The following NSDHL variants were observed in gnomAD, a reference collection of about 807,000 sequenced individuals.
NSDHL encodes NAD(P) dependent 3-beta-hydroxysteroid dehydrogenase NSDHL.
In NSDHL, 1 loss-of-function variant was observed where a neutral mutation model predicts 23.0. The ratio of observed to expected loss-of-function variants is 0.04; its 90% CI spans 0.02 to 0.21. The LOEUF (loss-of-function observed/expected upper bound fraction) is 0.21. Ranked by LOEUF, NSDHL falls within the 10% of genes least tolerant of loss-of-function variation. The pLI is 1.00. For missense variants in NSDHL, 237 were observed against 300.9 expected, an observed-to-expected ratio of 0.79 and a Z score of 1.57; for synonymous variants, 128 against 121.1, an observed-to-expected ratio of 1.06 and a Z score of -0.37.
intron 1 of NSDHL, among the ~76,000 whole-genome samples, chrX:152,844,062 C>T (rs1933234619): frequency 9.0e-6 from 1 of 111,661 alleles, no homozygotes; most frequent in South Asian, 3.7e-4. Flanking sequence ...GGAGAGAGTC[C>T]AAAGGCAGCC....
intron 1 of NSDHL, chrX:152,831,849 T>C (rs1602917179): frequency 9.0e-6 from 1 of 111,325 alleles, no homozygotes; most frequent in Non-Finnish European, 1.9e-5. Context: ...ATAGGGGCAG[T>C]AATCTAGGGA....
intron 3 of NSDHL, among the ~76,000 whole-genome samples, chrX:152,851,188 T>G (rs1380164248): frequency 1.8e-5 from 2 of 112,349 alleles, no homozygotes; most frequent in African/African-American, 6.5e-5. Context: ...ACAAGCCCCA[T>G]TGCTTCACAT....
At chrX:152,834,919 A>G (rs1397698268) in intron 1 of NSDHL, among the ~76,000 whole-genome samples, 1 of 112,656 alleles carries the variant, frequency 8.9e-6, no homozygotes, top group African/African-American at 3.2e-5. Flanking sequence ...CAGTGGCCAC[A>G]TTCTAGCTTC....
intron 1 of NSDHL, among the ~76,000 whole-genome samples, chrX:152,840,992 C>T (rs1933182020): frequency 8.9e-6 from 1 of 112,906 alleles, no homozygotes; most frequent in African/African-American, 3.2e-5. Context: ...ACTTTGTTTA[C>T]CTATTCAAGC....
At chrX:152,849,016 A>C (rs1211476911) in intron 2 of NSDHL, among the ~76,000 whole-genome samples, 2 of 111,821 alleles carry the variant, frequency 1.8e-5, no homozygotes, top group Admixed American at 1.9e-4. Context: ...GGTGAGGCTG[A>C]TTTTGTTAGT....
Position 152,850,267 on chromosome X carries a change from C to T in NSDHL, c.111C>T (p.Ala37=), listed in dbSNP as rs1933334876. 5 of 1,209,360 alleles carry T rather than the reference C, an allele frequency of 4.1e-6. No individual in the cohort carries two copies. Among genetic ancestry groups the T allele is most frequent in the East Asian group, 3.0e-5 (1 of 33,773 alleles). Residue 37 remains alanine (A), a splice_region_variant and synonymous_variant, in exon 3 of 8, where the codon GCC becomes GCT. Transcript: ENST00000370274. ...CCACCGTTCCTCTCTTTCCACAGGC[C>T]AAGAGATGCACAGTGATCGGTGGCT... ...ADIEKVNQNQ[A]KRCTVIGGSG...
At chrX:152,859,003 G>C (rs1933486388) in intron 4 of NSDHL, 87 bp downstream of exon 4, 1 of 782,087 alleles carries the variant, frequency 1.3e-6, no homozygotes, top group African/African-American at 2.1e-5. Context: ...CAGTCTCCCT[G>C]GGCCTAGGCG....
chrX:152,839,197 C>T (rs1322200497), intron 1 of NSDHL, among the ~76,000 whole-genome samples: 2 of 111,845 alleles, frequency 1.8e-5, no homozygotes, highest in East Asian at 5.6e-4. Flanking sequence ...TACGTCACTG[C>T]ACGTGAGATG....
intron 2 of NSDHL, 68 bp from the exon 3 acceptor site, chrX:152,850,196 TA>T: frequency 9.3e-7 from 1 of 1,072,589 alleles, no homozygotes; most frequent in Non-Finnish European, 1.3e-6. Flanking sequence ...TCATGATATG[TA>T]AGTCTGGACT....
At chrX:152,858,285 C>G (rs1220522049) in intron 3 of NSDHL, among the ~76,000 whole-genome samples, 1 of 112,187 alleles carries the variant, frequency 8.9e-6, no homozygotes, top group East Asian at 2.8e-4. Flanking sequence ...GCTCTTGTTC[C>G]TTTTAGCAGT....
Position 152,846,318 on chromosome X carries a change from C to T in NSDHL, c.-7C>T. Reference sequence around the variant, plus strand: ...TGATTACAAACGGGACCATATTTTGCTTCGAAATGGAACCAGCAGTTAGCG... The same window carrying T: ...TGATTACAAACGGGACCATATTTTGTTTCGAAATGGAACCAGCAGTTAGCG... On this transcript the variant is annotated 5_prime_UTR_variant, in exon 2 of 8. Coordinates refer to ENST00000370274, the MANE Select transcript of NSDHL (RefSeq NM_015922.3). The T allele has an allele frequency of 3.4e-6, 4 of 1,193,983 alleles. No individual in the cohort carries two copies. The highest frequency in any genetic ancestry group is 4.6e-6 in the Non-Finnish European group (4 of 879,009).
At chrX:152,864,948 G>A (rs782523138) in intron 5 of NSDHL, among the ~76,000 whole-genome samples, 1 of 112,006 alleles carries the variant, frequency 8.9e-6, no homozygotes, top group Non-Finnish European at 1.9e-5. Flanking sequence ...AGCAGGAACC[G>A]TACTTACCAA....
At chrX:152,867,765 C>G (rs782540499) in intron 7 of NSDHL, 92 bp downstream of exon 7, 3 of 658,027 alleles carry the variant, frequency 4.6e-6, no homozygotes, top group Non-Finnish European at 4.9e-6. Flanking sequence ...CTCCTGTGAT[C>G]CTGTATCATG....
At chrX:152,850,792 A>G (rs1473398369) in intron 3 of NSDHL, among the ~76,000 whole-genome samples, 1 of 112,529 alleles carries the variant, frequency 8.9e-6, no homozygotes, top group Non-Finnish European at 1.9e-5. Flanking sequence ...GATATAATTC[A>G]TGTACCACAA....
At chrX:152,865,632 C>A (rs953827856) in intron 5 of NSDHL, among the ~76,000 whole-genome samples, 187 bp from the exon 6 acceptor site, 1 of 112,507 alleles carries the variant, frequency 8.9e-6, no homozygotes, top group Non-Finnish European at 1.9e-5. Context: ...GAGAGGTAGC[C>A]CAGAATTATA....
intron 6 of NSDHL, 35 bp from the exon 7 acceptor site, chrX:152,867,536 C>A: frequency 9.6e-7 from 1 of 1,037,652 alleles, no homozygotes; most frequent in Non-Finnish European, 1.4e-6. Flanking sequence ...CAGGGGCTCC[C>A]AGCACGTATT....
chrX:152,844,529 G>T (rs1408389062), intron 1 of NSDHL, among the ~76,000 whole-genome samples: 1 of 112,680 alleles, frequency 8.9e-6, no homozygotes, highest in Non-Finnish European at 1.9e-5. Context: ...GGGGTCAGAG[G>T]CCAGATGTGA....
At chrX:152,850,491 C>T in intron 3 of NSDHL, 68 bp downstream of exon 3, 2 of 1,043,023 alleles carry the variant, frequency 1.9e-6, no homozygotes, top group Non-Finnish European at 2.7e-6. Flanking sequence ...ACTTCCCTTG[C>T]TCAGAAGCCA....
intron 7 of NSDHL, 106 bp from the exon 8 acceptor site, chrX:152,868,678 C>A: frequency 1.5e-6 from 1 of 676,939 alleles, no homozygotes; most frequent in Non-Finnish European, 2.4e-6. Flanking sequence ...TGGAAAGCTG[C>A]AGCAATTAGG....
Sources: gnomAD v4.1 joint callset for allele counts (sites outside exome capture counted in the v4.1 genomes callset) on GRCh38, gnomAD v4.1.1 for gene constraint, MANE v1.5 for transcripts, NCBI Gene and HGNC (gene_info 2026-07-23, HGNC 2026-07-21) for gene names.